Variants in SHANK2 observed in about 807,000 individuals in gnomAD.
SHANK2 encodes the protein SH3 and multiple ankyrin repeat domains 2.
SHANK2 carries 43 observed loss-of-function variants against 133.7 expected under a neutral mutation model. The observed-to-expected ratio is 0.32, with a 90% CI of 0.25 to 0.41. SHANK2 has a LOEUF of 0.41. Among genes scored for constraint, SHANK2 ranks in the 10% least tolerant of loss-of-function variants. The pLI, the probability that SHANK2 is intolerant of heterozygous loss-of-function variation, is 1.00. For synonymous variants in SHANK2, 1,017 were observed against 952.8 expected (o/e 1.07, Z -1.24); for missense variants, 1,994 against 2,235.8 (o/e 0.89, Z 2.18).
chr11:71,118,061 A>G (rs547125933), intron 4 of SHANK2, among the ~76,000 whole-genome samples: 1 of 152,158 alleles, frequency 6.6e-6, no homozygotes. Context: ...AGGAAAATAC[A>G]CCACCCATTA....
intron 10 of SHANK2, among the ~76,000 whole-genome samples, chr11:70,904,902 A>G (rs1182424591): frequency 6.6e-6 from 1 of 152,042 alleles, no homozygotes; most frequent in East Asian, 1.9e-4. Flanking sequence ...CTTGCCTTCC[A>G]CCAGTATTGT....
At chr11:70,642,520 G>A (rs550814468) in intron 17 of SHANK2, among the ~76,000 whole-genome samples, 1 of 152,312 alleles carries the variant, frequency 6.6e-6, no homozygotes, top group South Asian at 2.1e-4. Context: ...GGGGACGGCG[G>A]CTCAGCCTGT....
chr11:70,490,741 C>A (rs1555155626), intron 22 of SHANK2, among the ~76,000 whole-genome samples: 1 of 152,240 alleles, frequency 6.6e-6, no homozygotes, highest in Non-Finnish European at 1.5e-5. Context: ...TGGGAAAGGG[C>A]ACAGCGTGGT....
At chr11:71,187,917 C>T (rs1044280604) in intron 2 of SHANK2, among the ~76,000 whole-genome samples, 8 of 152,148 alleles carry the variant, frequency 5.3e-5, no homozygotes, top group East Asian at 1.9e-4. Flanking sequence ...CATGTGGTGC[C>T]GGGTGGCCTT....
chr11:71,121,789 A>C (rs1952087776), intron 3 of SHANK2, among the ~76,000 whole-genome samples: 2 of 152,252 alleles, frequency 1.3e-5, no homozygotes, highest in Non-Finnish European at 2.9e-5. Flanking sequence ...GAACTTAAAC[A>C]AATTTATAAG....
intron 10 of SHANK2, among the ~76,000 whole-genome samples, chr11:70,913,133 A>G (rs969768489): frequency 5.3e-5 from 8 of 151,710 alleles, no homozygotes; most frequent in Non-Finnish European, 7.4e-5. Context: ...GCCTCCTGGT[A>G]TGTTTATAAA....
intron 2 of SHANK2, among the ~76,000 whole-genome samples, chr11:71,180,092 G>T (rs1555113576): frequency 6.6e-6 from 1 of 152,202 alleles, no homozygotes; most frequent in Non-Finnish European, 1.5e-5. Flanking sequence ...ACTTGGGAAT[G>T]ACAAGCATCT....
chr11:70,659,746 G>T, intron 17 of SHANK2, 82 bp downstream of exon 17: 1 of 1,566,040 alleles, frequency 6.4e-7, no homozygotes, highest in East Asian at 2.3e-5. Flanking sequence ...GGGCCTCGTG[G>T]CTGTGCTGCC....
chr11:70,486,158 C>A lies in SHANK2; in HGVS notation c.4135G>T (p.Gly1379Cys). The A allele has an allele frequency of 6.2e-7, 1 of 1,613,862 alleles. No homozygotes were observed. Among genetic ancestry groups the A allele is most frequent in the Non-Finnish European group, 8.5e-7 (1 of 1,179,894 alleles). The change falls in exon 25 of 26, where the codon GGC becomes TGC. Residue 1379 changes from glycine (G) to cysteine (C), a missense_variant. Gly to Cys is a radical substitution (Grantham distance 159). This residue lies in a region of SHANK2 where 797 missense variants were observed against 907.4 expected (regional missense o/e 0.88). Transcript: ENST00000601538. This position sits in a 1 kb window ranked among gnomAD's most constrained non-coding sequence, Gnocchi z 8.0. ...TVPGRTIVAV[G>C]SMEEAVILPF... The stretch of plus-strand genomic sequence containing the variant: ...AAAATCACCGCCTCTTCCATGGAGC[C>A]CACCGCGACGATGGTTCTGCCGGGC...
At chr11:70,801,724 T>C (rs1042407942) in intron 13 of SHANK2, among the ~76,000 whole-genome samples, 1 of 152,090 alleles carries the variant, frequency 6.6e-6, no homozygotes, top group East Asian at 1.9e-4. Context: ...TGCTGAGGGA[T>C]CCCGGGGACT....
intron 17 of SHANK2, among the ~76,000 whole-genome samples, chr11:70,652,544 A>G (rs993369870): frequency 2.6e-5 from 4 of 152,196 alleles, no homozygotes; most frequent in African/African-American, 9.7e-5. Context: ...GGTGGGGTGC[A>G]TGCATCTTTA....
intron 17 of SHANK2, among the ~76,000 whole-genome samples, chr11:70,528,596 C>T (rs948189): frequency 0.96 from 146,096 of 152,114 alleles, 70,458 homozygotes; most frequent in East Asian, 1. Flanking sequence ...CTCCTGCATC[C>T]TGATGAAGGC....
intron 10 of SHANK2, among the ~76,000 whole-genome samples, chr11:70,935,694 G>A (rs1297014759): frequency 6.6e-6 from 1 of 152,106 alleles, no homozygotes; most frequent in Admixed American, 6.6e-5. Context: ...TGGGACAGCT[G>A]CCTTGAATGA....
At chr11:71,138,445 A>C (rs115110693) in intron 3 of SHANK2, among the ~76,000 whole-genome samples, 1 of 152,348 alleles carries the variant, frequency 6.6e-6, no homozygotes, top group African/African-American at 2.4e-5. Context: ...CTGAAGGTGG[A>C]GGAGGTGAAA....
At chr11:70,503,018 T>C (rs2059083507) in intron 17 of SHANK2, 87 bp from the exon 18 acceptor site, 2 of 1,480,306 alleles carry the variant, frequency 1.4e-6, no homozygotes, top group East Asian at 4.5e-5. Context: ...ACATGTGGGC[T>C]CCTAAAAAGG....
intron 17 of SHANK2, among the ~76,000 whole-genome samples, chr11:70,617,550 C>G (rs11236899): frequency 0.19 from 29,504 of 151,900 alleles, 3,038 homozygotes; most frequent in South Asian, 0.33. Context: ...AGCTAGGGGG[C>G]AGACGCAGCT....
In SHANK2 at chr11:70,636,456, C is replaced by T. The variant is rs551865099; in HGVS notation, c.2061+23372G>A. On this transcript the variant is annotated intron_variant, in intron 17 of 25. Transcript: ENST00000601538. ...GTGAGCATATGAATATGTGTGAGCACGTGTGAGCATCTGTGTATGTGTAAG... is the reference window on the plus strand; with the variant it reads ...GTGAGCATATGAATATGTGTGAGCATGTGTGAGCATCTGTGTATGTGTAAG... 3.2e-4 allele frequency among the ~76,000 whole-genome samples: 48 copies of T among 149,268 alleles called. 1 individual carries two copies. In the East Asian group the frequency reaches 5.0e-3, roughly 16 times the overall value.
At chr11:71,059,325 A>T (rs1038934766) in intron 9 of SHANK2, among the ~76,000 whole-genome samples, 8 of 152,176 alleles carry the variant, frequency 5.3e-5, no homozygotes, top group Admixed American at 5.2e-4. Flanking sequence ...GTGAAAAAAA[A>T]TGTTCTAAGG....
At position 70,816,064 on chromosome 11, in the gene SHANK2, C is replaced by T. The variant is rs551076800; in HGVS notation, c.1493+4300G>A. The stretch of plus-strand genomic sequence containing the variant: ...GTGCTCCCTGCCCCATGGCAGCCAG[C>T]GGGGTCTTTCTACACTGTCCACAAT... On this transcript the variant is annotated intron_variant, in intron 12 of 25. Coordinates refer to ENST00000601538, the MANE Select transcript of SHANK2 (RefSeq NM_012309.5). 2.0e-5 allele frequency among the ~76,000 whole-genome samples: 3 copies of T among 152,310 alleles called. No individual in the cohort carries two copies. In the South Asian group the frequency reaches 6.2e-4, roughly 32 times the overall value.
Sources: gnomAD v4.1 joint callset for allele counts (sites outside exome capture counted in the v4.1 genomes callset) on GRCh38, gnomAD v4.1.1 for gene constraint, gnomAD v4.1.1 regional missense constraint, Gnocchi (gnomAD v3.1) non-coding constraint, MANE v1.5 for transcripts, NCBI Gene and HGNC (gene_info 2026-07-23, HGNC 2026-07-21) for gene names.